The following CHERP variants were observed in gnomAD, a reference collection of about 807,000 sequenced individuals.
The protein encoded by CHERP is ERPROT 213-21.
In CHERP, 8 loss-of-function variants were observed where a neutral mutation model predicts 113.8. The observed-to-expected ratio is 0.07, with a 90% CI of 0.04 to 0.13. The LOEUF (loss-of-function observed/expected upper bound fraction) is 0.13. CHERP is among the 10% of genes least tolerant of loss of function. CHERP has a pLI of 1.00. For missense variants in CHERP, 884 were observed against 1,298.2 expected (o/e 0.68, Z 4.90); for synonymous variants, 559 against 524.5 (o/e 1.07, Z -0.90).
In CHERP at chr19:16,520,053, C is replaced by T. The variant is rs2085594669; in HGVS notation, c.2462+96G>A. Reference sequence around the variant, plus strand: ...TCCCCGGGCTAATGCTGGCGGCCTCCTAACACAGTCTCCTAACCACCAATG... The same window carrying T: ...TCCCCGGGCTAATGCTGGCGGCCTCTTAACACAGTCTCCTAACCACCAATG... On this transcript the variant is annotated intron_variant, in intron 15 of 16. Transcript: ENST00000546361. This position sits in a 1 kb window ranked among gnomAD's most constrained non-coding sequence, Gnocchi z 4.0. 1 of 1,336,286 alleles carries T rather than the reference C, an allele frequency of 7.5e-7. No individual in the cohort carries two copies. The highest frequency in any genetic ancestry group is 1.1e-6 in the Non-Finnish European group (1 of 947,468). The allele number at this position is 1,336,286 out of a possible 1,614,324, so 82.8% of individuals were successfully genotyped here.
chr19:16,522,278 TG>T (rs1443932440), intron 11 of CHERP, among the ~76,000 whole-genome samples: 2 of 151,900 alleles, frequency 1.3e-5, no homozygotes, highest in Non-Finnish European at 2.9e-5. Context: ...TTTTTTTTTT[TG>T]AGACGGAGTC....
At position 16,530,586 on chromosome 19, in the gene CHERP, T is replaced by C; in HGVS notation, c.875A>G (p.Gln292Arg). The change falls in exon 7 of 17, where the codon CAG (glutamine) becomes CGG (arginine). Residue 292 changes from glutamine to arginine, a missense_variant and splice_region_variant. Coordinates refer to ENST00000546361, the MANE Select transcript of CHERP (RefSeq NM_006387.6). The surrounding 1 kb of genome is among the most constrained non-coding windows in gnomAD (Gnocchi z 4.1). Reference sequence around the variant, plus strand: ...GTGTGGGTGGGCAGGGACACTCACCTGGTACTGACCAAGCCCCAGGGCTGG... The same window carrying C: ...GTGTGGGTGGGCAGGGACACTCACCCGGTACTGACCAAGCCCCAGGGCTGG... ...QSPALGLGQYQATLINEYSSV... is the reference protein window; with the variant it reads ...QSPALGLGQYRATLINEYSSV... The C allele has an allele frequency of 6.2e-7, 1 of 1,613,836 alleles. No individual in the cohort carries two copies. Among genetic ancestry groups the C allele is most frequent in the Non-Finnish European group, 8.5e-7 (1 of 1,179,766 alleles).
In CHERP at chr19:16,532,328, C is replaced by T; in HGVS notation, c.674+270G>A. On this transcript the variant is annotated intron_variant, in intron 5 of 16. Coordinates refer to ENST00000546361, the MANE Select transcript of CHERP (RefSeq NM_006387.6). This position sits in a 1 kb window ranked among gnomAD's most constrained non-coding sequence, Gnocchi z 4.4. The stretch of plus-strand genomic sequence containing the variant: ...AGGAAGGAGTGCAGGGGACAGTGGC[C>T]CCCAGGAGACAGCAATGTGACAGGT... 1 of 437,588 alleles carries T rather than the reference C, an allele frequency of 2.3e-6. No homozygotes were observed. Among genetic ancestry groups the T allele is most frequent in the Non-Finnish European group, 4.1e-6 (1 of 244,102 alleles). 27.1% of individuals were successfully genotyped at this position (437,588 alleles called of 1,614,324 possible).
At position 16,525,299 on chromosome 19, in the gene CHERP, A is replaced by G; in HGVS notation, c.1684T>C (p.Phe562Leu). The change falls in exon 10 of 17, where the codon TTC (phenylalanine) becomes CTC (leucine). Residue 562 changes from phenylalanine to leucine, a missense_variant. This residue lies in a region of CHERP where 464 missense variants were observed against 590.1 expected (regional missense o/e 0.79). Transcript: ENST00000546361. The surrounding 1 kb of genome is among the most constrained non-coding windows in gnomAD (Gnocchi z 6.5). Reference sequence around the variant, plus strand: ...CGGTGGGGATAGGGCGGCCGCTCGAAGGGGTGCCGTGGCGGGAAGTCGTCC... The same window carrying G: ...CGGTGGGGATAGGGCGGCCGCTCGAGGGGGTGCCGTGGCGGGAAGTCGTCC... ...MQDDFPPRHP[F>L]ERPPYPHRFD... 6.9e-7 allele frequency: 1 copy of G among 1,451,282 alleles called. No individual in the cohort carries two copies. The highest frequency in any genetic ancestry group is 9.1e-7 in the Non-Finnish European group (1 of 1,100,484). The allele number at this position is 1,451,282 out of a possible 1,614,324, so 89.9% of individuals were successfully genotyped here. A position where few individuals can be genotyped will look rare whatever the true frequency, so the allele number is the denominator to read the frequency against.
chr19:16,527,909 C>T (rs2085667270), intron 9 of CHERP, among the ~76,000 whole-genome samples, 171 bp downstream of exon 9: 1 of 152,192 alleles, frequency 6.6e-6, no homozygotes, highest in African/African-American at 2.4e-5. Context: ...CTTGACCTGT[C>T]CCGGAGCCAC....
At chr19:16,533,622 T>C (rs540634532) in intron 3 of CHERP, among the ~76,000 whole-genome samples, 23 of 152,036 alleles carry the variant, frequency 1.5e-4, no homozygotes, top group African/African-American at 5.5e-4. Flanking sequence ...TAGTTGAGCA[T>C]GGTAGTGTGT....
intron 9 of CHERP, among the ~76,000 whole-genome samples, chr19:16,527,240 A>G (rs529028035): frequency 1.1e-4 from 16 of 152,214 alleles, no homozygotes; most frequent in African/African-American, 3.8e-4. Context: ...TGCCCCCCCC[A>G]GCAGAGGGTA....
intron 2 of CHERP, among the ~76,000 whole-genome samples, chr19:16,537,649 G>A (rs1011223635): frequency 1.3e-5 from 2 of 151,914 alleles, no homozygotes; most frequent in East Asian, 1.9e-4. Flanking sequence ...GTGTCAAGGC[G>A]GCCTCCGAGA....
At chr19:16,531,697 G>C (rs1568509244) in intron 5 of CHERP, among the ~76,000 whole-genome samples, 1 of 152,236 alleles carries the variant, frequency 6.6e-6, no homozygotes, top group African/African-American at 2.4e-5. Flanking sequence ...CAGAGGCAGG[G>C]AGAAATGGAG....
chr19:16,518,215 TC>T lies in CHERP; in HGVS notation c.*943del, dbSNP rs2085564557. On this transcript the variant is annotated 3_prime_UTR_variant, in exon 17 of 17. Transcript: ENST00000546361. The stretch of plus-strand genomic sequence containing the variant: ...GCTCCCCTCCTGGCCTCCCCTCCCT[TC>T]GGGGGTGTGAAATGAAATGATGGAG... The T allele has an allele frequency of 6.6e-6, 1 of 151,918 alleles. No homozygotes were observed. The highest frequency in any genetic ancestry group is 1.5e-5 in the Non-Finnish European group (1 of 68,032). The allele number at this position is 151,918 out of a possible 1,614,324, so 9.4% of individuals were successfully genotyped here.
chr19:16,529,710 G>T lies in CHERP; in HGVS notation c.1067C>A (p.Pro356Gln), dbSNP rs1314109893. Reference protein sequence around the residue: ...QMEAEVKATPPPPAPPPAPAP... With the variant: ...QMEAEVKATPQPPAPPPAPAP... ...TGGGGCCGGGGGTGGAGCAGGCGGT[G>T]GAGGCGTGGCCTTGACTTCAGCCTC... is the stretch of plus-strand genomic sequence containing the variant. The change falls in exon 8 of 17, where the codon CCA (proline) becomes CAA (glutamine). Residue 356 changes from proline (P) to glutamine (Q), a missense_variant. Pro to Gln is a moderately conservative substitution (Grantham distance 76). Transcript: ENST00000546361. 2 of 1,595,510 alleles carry T rather than the reference G, an allele frequency of 1.3e-6. No individual in the cohort carries two copies. Among genetic ancestry groups the T allele is most frequent in the Non-Finnish European group, 8.5e-7 (1 of 1,174,510 alleles).
In CHERP at chr19:16,523,674, G is replaced by C. The variant is rs969351867; in HGVS notation, c.1742-384C>G. Among the ~76,000 whole-genome samples the C allele has an allele frequency of 6.6e-6, 1 of 152,120 alleles. No individual in the cohort carries two copies. Among genetic ancestry groups the C allele is most frequent in the Non-Finnish European group, 1.5e-5 (1 of 68,032 alleles). ...AAATGAGTTAAAATGAAGCCATAGT[G>C]GCCCGAATCCAACGTGACTGTTGCC... On this transcript the variant is annotated intron_variant, in intron 10 of 16. Coordinates refer to ENST00000546361, the MANE Select transcript of CHERP (RefSeq NM_006387.6). This position sits in a 1 kb window ranked among gnomAD's most constrained non-coding sequence, Gnocchi z 4.0.
chr19:16,540,984 A>G (rs2085775565), intron 2 of CHERP, among the ~76,000 whole-genome samples: 1 of 152,134 alleles, frequency 6.6e-6, no homozygotes, highest in South Asian at 2.1e-4. Flanking sequence ...AGTATGAGCC[A>G]CTGCAACAGG....
Position 16,536,959 on chromosome 19 carries a change from C to T in CHERP, c.200-1323G>A, listed in dbSNP as rs1003979567. 2.6e-4 allele frequency among the ~76,000 whole-genome samples: 40 copies of T among 152,270 alleles called. 1 individual carries two copies. Among genetic ancestry groups the T allele is most frequent in the Admixed American group, 1.6e-3 (24 of 15,290 alleles). On this transcript the variant is annotated intron_variant, in intron 2 of 16. Coordinates refer to ENST00000546361, the MANE Select transcript of CHERP (RefSeq NM_006387.6). ...CTTGCAAGGTGGAGGTTGCAGTGAG[C>T]CGAGATGGCGCCACTGCACTCCAGT... is the stretch of plus-strand genomic sequence containing the variant.
chr19:16,520,299 C>G lies in CHERP; in HGVS notation c.2346-34G>C, dbSNP rs907799484. 17 of 1,611,006 alleles carry G rather than the reference C, an allele frequency of 1.1e-5. No homozygotes were observed. The Admixed American group carries it at 2.0e-4, about 19-fold the overall frequency. On this transcript the variant is annotated intron_variant, in intron 14 of 16. Transcript: ENST00000546361. This position sits in a 1 kb window ranked among gnomAD's most constrained non-coding sequence, Gnocchi z 4.0. ...AAGGGTGCCCAAGGGTCAGCAGCAG[C>G]CAGGCGTCGTGGGGAGGCCACAGGA...
chr19:16,534,262 T>C (rs2085727054), intron 3 of CHERP, among the ~76,000 whole-genome samples: 1 of 151,974 alleles, frequency 6.6e-6, no homozygotes, highest in Non-Finnish European at 1.5e-5. Context: ...ATATTGGCCA[T>C]GCTGGTCTCA....
In CHERP at chr19:16,541,954, T is replaced by C; in HGVS notation, c.115A>G (p.Lys39Glu). The C allele has an allele frequency of 6.2e-7, 1 of 1,614,192 alleles. No individual in the cohort carries two copies. The highest frequency in any genetic ancestry group is 8.5e-7 in the Non-Finnish European group (1 of 1,180,016). Reference protein sequence around the residue: ...EFEKMTMEKQKDNPKFSFLFG... With the variant: ...EFEKMTMEKQEDNPKFSFLFG... ...AGAAACGAGAATTTGGGGTTGTCCT[T>C]CTGCTTCTCCATAGTCATCTTCTCA... Residue 39 changes from lysine to glutamate, a missense_variant, in exon 2 of 17, where the codon AAG becomes GAG. Lys to Glu is a moderately conservative substitution (Grantham distance 56). This residue lies in a region of CHERP where 17 missense variants were observed against 50.8 expected (regional missense o/e 0.33). Transcript: ENST00000546361.
intron 3 of CHERP, 72 bp from the exon 4 acceptor site, chr19:16,533,220 C>T: frequency 6.7e-7 from 1 of 1,481,700 alleles, no homozygotes; most frequent in East Asian, 2.5e-5. Flanking sequence ...CGGCCTGGCT[C>T]AGCAGGGGCG....
chr19:16,532,256 C>T lies in CHERP; in HGVS notation c.674+342G>A, dbSNP rs934250040. Reference sequence around the variant, plus strand: ...AGACAGACACAGAGGCCAAGGAGGCCGTGGCTGAGAAGGCAACAAGGAGAC... The same window carrying T: ...AGACAGACACAGAGGCCAAGGAGGCTGTGGCTGAGAAGGCAACAAGGAGAC... On this transcript the variant is annotated intron_variant, in intron 5 of 16. Coordinates refer to ENST00000546361, the MANE Select transcript of CHERP (RefSeq NM_006387.6). This position sits in a 1 kb window ranked among gnomAD's most constrained non-coding sequence, Gnocchi z 4.4. 2.7e-5 allele frequency: 7 copies of T among 255,142 alleles called. No individual in the cohort carries two copies. Among genetic ancestry groups the T allele is most frequent in the East Asian group, 8.4e-5 (1 of 11,836 alleles). 15.8% of individuals were successfully genotyped at this position (255,142 alleles called of 1,614,324 possible).
Sources: gnomAD v4.1 joint callset for allele counts (sites outside exome capture counted in the v4.1 genomes callset) on GRCh38, gnomAD v4.1.1 for gene constraint, gnomAD v4.1.1 regional missense constraint, Gnocchi (gnomAD v3.1) non-coding constraint, MANE v1.5 for transcripts, NCBI Gene and HGNC (gene_info 2026-07-23, HGNC 2026-07-21) for gene names.